COMMD1: variants seen among roughly 807,000 people sequenced by gnomAD.
The protein encoded by COMMD1 is copper metabolism domain containing 1.
A neutral mutation model predicts 17.2 loss-of-function variants in COMMD1; 10 were observed. The ratio of observed to expected loss-of-function variants is 0.58; its 90% CI spans 0.36 to 0.99. The LOEUF (loss-of-function observed/expected upper bound fraction) is 0.99. Ranked by LOEUF, COMMD1 falls within the 50% of genes least tolerant of loss-of-function variation. COMMD1 has a pLI of 0.01. For synonymous variants in COMMD1, 97 were observed against 91.6 expected, an observed-to-expected ratio of 1.06 and a Z score of -0.34; for missense variants, 270 against 231.8, an observed-to-expected ratio of 1.17 and a Z score of -1.07.
chr2:61,978,360 G>A (rs1671862129), intron 1 of COMMD1, among the ~76,000 whole-genome samples: 1 of 150,462 alleles, frequency 6.6e-6, no homozygotes, highest in Non-Finnish European at 1.5e-5. Context: ...ATAAATTAAT[G>A]GTTGTACAAA....
chr2:62,024,922 C>A (rs1172683042), intron 2 of COMMD1, among the ~76,000 whole-genome samples: 1 of 152,208 alleles, frequency 6.6e-6, no homozygotes, highest in African/African-American at 2.4e-5. Context: ...GTTTCCTGTG[C>A]AATCTTGATG....
intron 2 of COMMD1, among the ~76,000 whole-genome samples, chr2:62,040,821 G>A (rs1443889731): frequency 1.3e-5 from 2 of 151,902 alleles, no homozygotes; most frequent in Admixed American, 6.6e-5. Flanking sequence ...AGCAGTTCTC[G>A]TGCTTCAGCC....
chr2:62,026,742 A>G (rs1308051889), intron 2 of COMMD1, among the ~76,000 whole-genome samples: 1 of 152,154 alleles, frequency 6.6e-6, no homozygotes, highest in African/African-American at 2.4e-5. Context: ...CCCACTTCTG[A>G]TAGTAATCAG....
chr2:62,080,185 G>A (rs951574648), intron 2 of COMMD1, among the ~76,000 whole-genome samples: 1 of 149,286 alleles, frequency 6.7e-6, no homozygotes, highest in African/African-American at 2.4e-5. Flanking sequence ...AGGAGTAGTG[G>A]CTCATGCCTG....
intron 2 of COMMD1, among the ~76,000 whole-genome samples, chr2:62,071,555 A>C (rs1037108939): frequency 3.3e-5 from 5 of 152,204 alleles, no homozygotes; most frequent in African/African-American, 1.2e-4. Flanking sequence ...ACTCTGGTTC[A>C]AATGCCTCTG....
At chr2:61,954,605 T>A (rs2103676727) in intron 1 of COMMD1, among the ~76,000 whole-genome samples, 1 of 152,274 alleles carries the variant, frequency 6.6e-6, no homozygotes, top group Non-Finnish European at 1.5e-5. Context: ...TTGCAACATT[T>A]TATAAAACTG....
chr2:62,031,585 T>C (rs962219298), intron 2 of COMMD1, among the ~76,000 whole-genome samples: 2 of 152,240 alleles, frequency 1.3e-5, no homozygotes, highest in Non-Finnish European at 2.9e-5. Context: ...CACATTAAAC[T>C]GAGGAGCCAG....
chr2:62,065,765 G>GAAACTT (rs1448894210), intron 2 of COMMD1, among the ~76,000 whole-genome samples: 1 of 152,188 alleles, frequency 6.6e-6, no homozygotes, highest in Non-Finnish European at 1.5e-5. Context: ...TCTTCAGGGT[G>GAAACTT]AAACTTTTGA....
intron 2 of COMMD1, among the ~76,000 whole-genome samples, chr2:62,009,094 T>A (rs1164768922): frequency 6.6e-6 from 1 of 150,858 alleles, no homozygotes; most frequent in African/African-American, 2.4e-5. Context: ...TAGAATACTT[T>A]AAAAAAAAAC....
intron 1 of COMMD1, among the ~76,000 whole-genome samples, chr2:61,976,972 G>T (rs528872151): frequency 1.1e-4 from 17 of 151,920 alleles, no homozygotes; most frequent in Middle Eastern, 3.4e-3. Context: ...GGGATTACAG[G>T]TGCGTACCAC....
intron 1 of COMMD1, among the ~76,000 whole-genome samples, chr2:61,916,310 C>T (rs1417580859): frequency 6.6e-6 from 1 of 152,054 alleles, no homozygotes; most frequent in Non-Finnish European, 1.5e-5. Context: ...TTTTAAATTT[C>T]CAAGAGTTAT....
intron 1 of COMMD1, among the ~76,000 whole-genome samples, chr2:61,933,263 C>T (rs1004868050): frequency 1.3e-5 from 2 of 151,854 alleles, no homozygotes; most frequent in East Asian, 1.9e-4. Flanking sequence ...CCACATTGCT[C>T]AGCTGCTTGT....
intron 2 of COMMD1, among the ~76,000 whole-genome samples, chr2:62,112,540 A>ACG (rs1256705522): frequency 2.6e-5 from 4 of 152,224 alleles, no homozygotes; most frequent in African/African-American, 9.6e-5. Flanking sequence ...GTGTCAAGGG[A>ACG]CGGGGTATGT....
intron 2 of COMMD1, among the ~76,000 whole-genome samples, chr2:62,053,953 C>G (rs775788509): frequency 1.9e-4 from 29 of 152,084 alleles, no homozygotes; most frequent in Non-Finnish European, 2.9e-4. Context: ...AAGTATTCAT[C>G]CAATAGGGGT....
intron 1 of COMMD1, among the ~76,000 whole-genome samples, chr2:61,898,415 G>T (rs1669594318): frequency 1.3e-5 from 2 of 152,194 alleles, no homozygotes; most frequent in South Asian, 4.1e-4. Flanking sequence ...GGTTGGGTTT[G>T]CAGTAAGCTG....
chr2:61,918,687 T>C (rs1420346496), intron 1 of COMMD1: 2 of 152,172 alleles, frequency 1.3e-5, no homozygotes, highest in Middle Eastern at 3.2e-3. Flanking sequence ...ACCCCTAATA[T>C]GCTGAACCTT....
At position 61,989,764 on chromosome 2, in the gene COMMD1, A is replaced by T. The variant is rs564272945; in HGVS notation, c.181-10937A>T. Among the ~76,000 whole-genome samples, 16 of 152,264 alleles carry T rather than the reference A, an allele frequency of 1.1e-4. No homozygotes were observed. The South Asian group carries it at 3.1e-3, about 30-fold the overall frequency. Reference sequence around the variant, plus strand: ...CAGGAGTGAGCCACCACACCCAGGCAACTATTGATCTTTTCACTGTATTCC... The same window carrying T: ...CAGGAGTGAGCCACCACACCCAGGCTACTATTGATCTTTTCACTGTATTCC... On this transcript the variant is annotated intron_variant, in intron 1 of 2. Transcript: ENST00000311832.
intron 2 of COMMD1, among the ~76,000 whole-genome samples, chr2:62,095,889 GTATA>G: frequency 7.7e-6 from 1 of 129,982 alleles, no homozygotes; most frequent in Non-Finnish European, 1.6e-5. Context: ...ATACACACAG[GTATA>G]TATAATCCTG....
intron 2 of COMMD1, among the ~76,000 whole-genome samples, chr2:62,134,960 A>G (rs1380014222): frequency 2.0e-5 from 3 of 152,200 alleles, no homozygotes; most frequent in Non-Finnish European, 2.9e-5. Flanking sequence ...CATGTTTCCC[A>G]AGCAACTTGT....
Sources: allele counts gnomAD v4.1 joint callset (sites outside exome capture counted in the v4.1 genomes callset), GRCh38; gene constraint gnomAD v4.1.1; transcripts MANE v1.5; gene names NCBI Gene and HGNC (gene_info 2026-07-23, HGNC 2026-07-21).